RND1: variants seen among roughly 807,000 people sequenced by gnomAD.
The protein encoded by RND1 is Rho family GTPase 1, also known as rho-related GTP-binding protein Rho6.
In RND1, 9 loss-of-function variants were observed where a neutral mutation model predicts 27.1. That is an observed-to-expected ratio of 0.33 (90% confidence interval 0.20 to 0.58). The LOEUF (loss-of-function observed/expected upper bound fraction) is 0.58. Among genes scored for constraint, RND1 ranks in the 20% least tolerant of loss-of-function variants. RND1 has a pLI of 0.86. For synonymous variants in RND1, 108 were observed against 115.7 expected, an observed-to-expected ratio of 0.93 and a Z score of 0.43; for missense variants, 253 against 292.2, an observed-to-expected ratio of 0.87 and a Z score of 0.98.
At chr12:48,863,819 T>A (rs4760597) in intron 2 of RND1, among the ~76,000 whole-genome samples, 64,858 of 151,962 alleles carry the variant, frequency 0.43, 14,288 homozygotes, top group Admixed American at 0.54. Context: ...GGTCCCTTTT[T>A]AAACTCAGCC....
Position 48,865,721 on chromosome 12 carries a change from A to C in RND1, c.47T>G (p.Leu16Arg). 1 of 1,613,356 alleles carries C rather than the reference A, an allele frequency of 6.2e-7. No individual in the cohort carries two copies. Among genetic ancestry groups the C allele is most frequent in the Non-Finnish European group, 8.5e-7 (1 of 1,179,504 alleles). Reference protein sequence around the residue: ...APQPVVARCKLVLVGDVQCGK... With the variant: ...APQPVVARCKRVLVGDVQCGK... ...ACACTGCACGTCCCCGACCAGAACG[A>C]GCTTACATCTGGCCACGACTGGCTG... The change falls in exon 1 of 5, where the codon CTC (leucine) becomes CGC (arginine). Residue 16 changes from leucine to arginine, a missense_variant. By Grantham distance (102) the Leu-to-Arg change is moderately radical (BLOSUM62 -2). Transcript: ENST00000309739.
chr12:48,865,183 A>G (rs553110337), intron 1 of RND1, among the ~76,000 whole-genome samples: 1 of 152,342 alleles, frequency 6.6e-6, no homozygotes, highest in Non-Finnish European at 1.5e-5. Flanking sequence ...TGAGAGAGCC[A>G]CAGGCCAAAG....
At position 48,864,412 on chromosome 12, in the gene RND1, T is replaced by TGCGC. The variant is rs1280411103; in HGVS notation, c.208+370_208+371insGCGC. Reference sequence around the variant, plus strand: ...GTGTGTGTGTGTGTGTGTGTGTGTGTGTGTGCGCGCGCGCGCGTGTGTGTG... The same window carrying TGCGC: ...GTGTGTGTGTGTGTGTGTGTGTGTGTGCGCGTGTGCGCGCGCGCGCGTGTGTGTG... On this transcript the variant is annotated intron_variant, in intron 2 of 4. Coordinates refer to ENST00000309739, the MANE Select transcript of RND1 (RefSeq NM_014470.4). 3.5e-3 allele frequency among the ~76,000 whole-genome samples: 388 copies of TGCGC among 112,388 alleles called. 1 individual carries two copies. Among genetic ancestry groups the TGCGC allele is most frequent in the African/African-American group, 7.2e-3 (202 of 28,014 alleles). 73.7% of individuals were successfully genotyped at this position (112,388 alleles called of 152,430 possible). A position where few individuals can be genotyped will look rare whatever the true frequency, so the allele number is the denominator to read the frequency against.
chr12:48,864,151 C>T (rs1938953049), intron 2 of RND1, among the ~76,000 whole-genome samples: 1 of 152,108 alleles, frequency 6.6e-6, no homozygotes, highest in Non-Finnish European at 1.5e-5. Context: ...AAGCCATCTC[C>T]CCCAACTTCC....
At position 48,858,097 on chromosome 12, in the gene RND1, C is replaced by T. The variant is rs149847130; in HGVS notation, c.598G>A (p.Val200Ile). 4.0e-4 allele frequency: 646 copies of T among 1,614,222 alleles called. 2 individuals carry two copies. In the African/African-American group the frequency reaches 7.4e-3, roughly 18 times the overall value. The change falls in exon 5 of 5, where the codon GTC (valine) becomes ATC (isoleucine). Residue 200 changes from valine to isoleucine, a missense_variant. Physicochemically the swap from Val to Ile is conservative, Grantham distance 29. Transcript: ENST00000309739. Reference sequence around the variant, plus strand: ...AGCAGTCGTTTGGAGAGGCTTCGGACAGGGCTCTTCTGGGGCAGTGGGCTA... The same window carrying T: ...AGCAGTCGTTTGGAGAGGCTTCGGATAGGGCTCTTCTGGGGCAGTGGGCTA... ...KPSPLPQKSPVRSLSKRLLHL... is the reference protein window; with the variant it reads ...KPSPLPQKSPIRSLSKRLLHL...
At position 48,862,438 on chromosome 12, in the gene RND1, C is replaced by T. The variant is rs112864444; in HGVS notation, c.209-320G>A. On this transcript the variant is annotated intron_variant, in intron 2 of 4. Coordinates refer to ENST00000309739, the MANE Select transcript of RND1 (RefSeq NM_014470.4). ...TGAGTCCCAGAAGATGCTTCCAGCC[C>T]TGCAGAGAGACAGCACTTATTTCAG... Among the ~76,000 whole-genome samples the T allele has an allele frequency of 9.9e-3, 1,512 of 152,292 alleles. 23 individuals are homozygous for T. The highest frequency in any genetic ancestry group is 0.034 in the African/African-American group (1,417 of 41,548).
At chr12:48,860,870 T>C in intron 4 of RND1, 127 bp downstream of exon 4, 1 of 1,372,140 alleles carries the variant, frequency 7.3e-7, no homozygotes, top group Non-Finnish European at 1.0e-6. Flanking sequence ...AGGTGACTCA[T>C]TTGCTAATTA....
intron 2 of RND1, among the ~76,000 whole-genome samples, chr12:48,862,377 C>G (rs752227261): frequency 8.5e-5 from 13 of 152,156 alleles, no homozygotes; most frequent in Non-Finnish European, 1.9e-4. Flanking sequence ...GTTTGGGTCT[C>G]CTACAGCAGG....
intron 2 of RND1, among the ~76,000 whole-genome samples, chr12:48,862,395 G>A (rs998196879): frequency 1.3e-5 from 2 of 152,148 alleles, no homozygotes; most frequent in African/African-American, 2.4e-5. Flanking sequence ...AGGCTTAATT[G>A]GAGATCTACT....
chr12:48,860,758 G>T (rs1270149945), intron 4 of RND1, among the ~76,000 whole-genome samples: 1 of 151,904 alleles, frequency 6.6e-6, no homozygotes, highest in African/African-American at 2.4e-5. Context: ...TCTAACGCAG[G>T]TGGTCAGAAT....
At chr12:48,865,215 T>G in intron 1 of RND1, 1 of 382,698 alleles carries the variant, frequency 2.6e-6, no homozygotes, top group South Asian at 2.5e-5. Context: ...TCATCTCCTC[T>G]CAAACCCCTC....
chr12:48,865,688 G>A lies in RND1; in HGVS notation c.80C>T (p.Thr27Ile). 3 of 1,614,140 alleles carry A rather than the reference G, an allele frequency of 1.9e-6. No individual in the cohort carries two copies. The highest frequency in any genetic ancestry group is 2.5e-6 in the Non-Finnish European group (3 of 1,179,994). The change falls in exon 1 of 5, where the codon ACC becomes ATC. Residue 27 changes from threonine to isoleucine, a missense_variant. By Grantham distance (89) the Thr-to-Ile change is moderately conservative. Transcript: ENST00000309739. Reference protein sequence around the residue: ...VLVGDVQCGKTAMLQVLAKDC... With the variant: ...VLVGDVQCGKIAMLQVLAKDC... The stretch of plus-strand genomic sequence containing the variant: ...CTTCGCTAACACTTGCAACATCGCG[G>A]TCTTCCCACACTGCACGTCCCCGAC...
At chr12:48,864,423 G>A (rs1256442574) in intron 2 of RND1, among the ~76,000 whole-genome samples, 7 of 148,376 alleles carry the variant, frequency 4.7e-5, no homozygotes, top group East Asian at 2.5e-4. Context: ...GTGTGCGCGC[G>A]CGCGCGTGTG....
chr12:48,862,007 A>T lies in RND1; in HGVS notation c.318+2T>A, dbSNP rs1592210491. 5.8e-6 allele frequency: 9 copies of T among 1,540,528 alleles called. No individual in the cohort carries two copies. The highest frequency in any genetic ancestry group is 6.3e-6 in the Non-Finnish European group (7 of 1,112,992). ...GAGATTAGAGAGTTGATCTAGTCTTACCTTCTTGAGTGCGCTGTCCACTGT... is the reference window on the plus strand; with the variant it reads ...GAGATTAGAGAGTTGATCTAGTCTTTCCTTCTTGAGTGCGCTGTCCACTGT... On this transcript the variant is annotated splice_donor_variant, in intron 3 of 4. Transcript: ENST00000309739. LOFTEE classifies it high-confidence loss of function.
intron 4 of RND1, 44 bp from the exon 5 acceptor site, chr12:48,858,285 CT>C (rs1480942533): frequency 6.3e-7 from 1 of 1,589,726 alleles, no homozygotes; most frequent in Admixed American, 1.7e-5. Flanking sequence ...GCCAAAATGG[CT>C]CTGGGACGCT....
intron 4 of RND1, among the ~76,000 whole-genome samples, chr12:48,859,581 G>C (rs1005821783): frequency 1.3e-5 from 2 of 151,882 alleles, no homozygotes; most frequent in African/African-American, 4.8e-5. Context: ...TTATCCAGGG[G>C]TCTTATAAAA....
chr12:48,863,868 T>C (rs1295370132), intron 2 of RND1, among the ~76,000 whole-genome samples: 1 of 152,166 alleles, frequency 6.6e-6, no homozygotes, highest in Non-Finnish European at 1.5e-5. Flanking sequence ...TTTTATTTTC[T>C]TTCTCTTATT....
Position 48,857,716 on chromosome 12 carries a change from C to T in RND1, c.*280G>A. On this transcript the variant is annotated 3_prime_UTR_variant, in exon 5 of 5. Coordinates refer to ENST00000309739, the MANE Select transcript of RND1 (RefSeq NM_014470.4). Reference sequence around the variant, plus strand: ...CATGAGGCCAGCATGCCCCCCGTCCCCCACAGCTTTCCTTCCTCTGGAGCG... The same window carrying T: ...CATGAGGCCAGCATGCCCCCCGTCCTCCACAGCTTTCCTTCCTCTGGAGCG... The T allele has an allele frequency of 3.2e-6, 1 of 311,764 alleles. No individual in the cohort carries two copies. Among genetic ancestry groups the T allele is most frequent in the Non-Finnish European group, 5.9e-6 (1 of 169,970 alleles). The allele number at this position is 311,764 out of a possible 1,614,324, so 19.3% of individuals were successfully genotyped here. A position where few individuals can be genotyped will look rare whatever the true frequency, so the allele number is the denominator to read the frequency against.
In RND1 at chr12:48,864,804, G is replaced by C; in HGVS notation, c.187C>G (p.Leu63Val). 2 of 1,613,676 alleles carry C rather than the reference G, an allele frequency of 1.2e-6. No individual in the cohort carries two copies. Among genetic ancestry groups the C allele is most frequent in the South Asian group, 2.2e-5 (2 of 91,076 alleles). Residue 63 changes from leucine (L) to valine (V), a missense_variant, in exon 2 of 5, where the codon CTT (leucine) becomes GTT (valine). Coordinates refer to ENST00000309739, the MANE Select transcript of RND1 (RefSeq NM_014470.4). ...CLETEEQRVE[L>V]SLWDTSGSPY... ...TTACCTGAGGTATCCCAGAGACTAA[G>C]CTCCACCCTCTGTTCCTCTGTCTCC...
Sources: allele counts gnomAD v4.1 joint callset (sites outside exome capture counted in the v4.1 genomes callset), GRCh38; gene constraint gnomAD v4.1.1; transcripts MANE v1.5; gene names NCBI Gene and HGNC (gene_info 2026-07-23, HGNC 2026-07-21).